GPLD1: variants seen among roughly 807,000 people sequenced by gnomAD.
The protein encoded by GPLD1 is glycosylphosphatidylinositol specific phospholipase D1, also known as phosphatidylinositol-glycan-specific phospholipase D.
A neutral mutation model predicts 112.6 loss-of-function variants in GPLD1; 84 were observed. The ratio of observed to expected loss-of-function variants is 0.75; its 90% CI spans 0.63 to 0.89. The LOEUF is 0.89. Ranked by LOEUF, GPLD1 falls within the 40% of genes least tolerant of loss-of-function variation. The probability of loss-of-function intolerance (pLI) is 0.00; values close to 1 mark genes in which losing one functional copy is unlikely to be tolerated. For synonymous variants in GPLD1, 386 were observed against 403.8 expected, an observed-to-expected ratio of 0.96 and a Z score of 0.53; for missense variants, 1,044 against 1,051.5, an observed-to-expected ratio of 0.99 and a Z score of 0.10.
chr6:24,477,504 A>G (rs181215026), intron 3 of GPLD1, among the ~76,000 whole-genome samples: 11 of 152,168 alleles, frequency 7.2e-5, no homozygotes, highest in African/African-American at 2.4e-4. Flanking sequence ...GGACCCCCTG[A>G]GGCCAGGAGG....
intron 11 of GPLD1, 82 bp from the exon 12 acceptor site, chr6:24,460,481 T>G: frequency 2.8e-6 from 4 of 1,442,168 alleles, no homozygotes; most frequent in Non-Finnish European, 3.8e-6. Flanking sequence ...TATAGTCAAG[T>G]TAATCACAGG....
chr6:24,445,788 C>T lies in GPLD1; in HGVS notation c.1864G>A (p.Gly622Arg). The T allele has an allele frequency of 6.2e-7, 1 of 1,613,768 alleles. No individual in the cohort carries two copies. The highest frequency in any genetic ancestry group is 1.1e-5 in the South Asian group (1 of 91,038). Residue 622 changes from glycine (G) to arginine (R), a missense_variant, in exon 19 of 25, where the codon GGG (glycine) becomes AGG (arginine). By Grantham distance (125) the Gly-to-Arg change is moderately radical. Transcript: ENST00000230036. Reference sequence around the variant, plus strand: ...GGTGGGAAGTAGCCATACACCCTCCCAAGGCTCTTTTTCTCATCTCGGATG... The same window carrying T: ...GGTGGGAAGTAGCCATACACCCTCCTAAGGCTCTTTTTCTCATCTCGGATG... ...LHIRDEKKSL[G>R]RVYGYFPPNG...
At position 24,456,631 on chromosome 6, in the gene GPLD1, T is replaced by C. The variant is rs1763277718; in HGVS notation, c.1015A>G (p.Met339Val). 1.3e-6 allele frequency: 2 copies of C among 1,594,674 alleles called. No individual in the cohort carries two copies. Among genetic ancestry groups the C allele is most frequent in the Non-Finnish European group, 1.7e-6 (2 of 1,167,880 alleles). ...TCCAAAGCCTTGTAGATAAAGGACA[T>C]GGAATCCTGAAATAAAAGAATCATT... ...FSVNSWTPDS[M>V]SFIYKALERN... Residue 339 changes from methionine (M) to valine (V), a missense_variant, in exon 13 of 25, where the codon ATG (methionine) becomes GTG (valine). By Grantham distance (21) the Met-to-Val change is conservative. Transcript: ENST00000230036.
chr6:24,494,748 C>T (rs547105551), intron 1 of GPLD1: 2 of 362,992 alleles, frequency 5.5e-6, no homozygotes, highest in African/African-American at 2.1e-5. Context: ...AACCCTCCCC[C>T]GGGAGAAGGT....
At chr6:24,482,259 C>A (rs1471260657) in intron 2 of GPLD1, among the ~76,000 whole-genome samples, 2 of 150,576 alleles carry the variant, frequency 1.3e-5, no homozygotes, top group African/African-American at 5.0e-5. Context: ...GGCCTCCACA[C>A]CTGGCTAATT....
At chr6:24,436,431 G>C in intron 22 of GPLD1, 145 bp downstream of exon 22, 1 of 668,736 alleles carries the variant, frequency 1.5e-6, no homozygotes, top group South Asian at 1.9e-5. Context: ...GGCAGCTGGG[G>C]CCCACAAAAC....
intron 20 of GPLD1, among the ~76,000 whole-genome samples, chr6:24,442,910 A>G (rs536586347): frequency 1.3e-5 from 2 of 152,204 alleles, no homozygotes; most frequent in South Asian, 4.1e-4. Context: ...TTATCATAGG[A>G]AAAAAAATTA....
intron 1 of GPLD1, chr6:24,494,743 T>A: frequency 1.2e-5 from 4 of 345,568 alleles, no homozygotes; most frequent in Non-Finnish European, 2.0e-5. Context: ...AACCCAACCC[T>A]CCCCCGGGAG....
chr6:24,484,101 G>A (rs1764293065), intron 2 of GPLD1, among the ~76,000 whole-genome samples: 1 of 151,940 alleles, frequency 6.6e-6, no homozygotes, highest in African/African-American at 2.4e-5. Context: ...ATTTTTAGTA[G>A]AGACGGGGTT....
At chr6:24,454,524 G>A (rs1462120852) in intron 13 of GPLD1, among the ~76,000 whole-genome samples, 4 of 152,240 alleles carry the variant, frequency 2.6e-5, no homozygotes, top group South Asian at 2.1e-4. Flanking sequence ...GAGTAGAGAG[G>A]AAATTCATGT....
At chr6:24,440,723 TAA>T (rs34313464) in intron 20 of GPLD1, among the ~76,000 whole-genome samples, 40,798 of 139,576 alleles carry the variant, frequency 0.29, 6,189 homozygotes, top group African/African-American at 0.39. Flanking sequence ...CTCCAACTAT[TAA>T]AAAAAAAAAA....
At chr6:24,491,247 A>C (rs1883415), upstream of GPLD1, among the ~76,000 whole-genome samples, 51,253 of 151,996 alleles carry the variant, frequency 0.34, 8,991 homozygotes, top group African/African-American at 0.38. Flanking sequence ...CCTTCTACAG[A>C]CTGTGCGTGA....
intron 5 of GPLD1, 89 bp downstream of exon 5, chr6:24,475,032 T>G (rs995510955): frequency 1.4e-6 from 1 of 733,918 alleles, no homozygotes; most frequent in Non-Finnish European, 2.5e-6. Flanking sequence ...AACCTAACAT[T>G]TTCCTTTCTT....
At chr6:24,472,475 A>C in intron 7 of GPLD1, 107 bp downstream of exon 7, 1 of 638,014 alleles carries the variant, frequency 1.6e-6, no homozygotes, top group Non-Finnish European at 2.8e-6. Context: ...AAAATTTACC[A>C]GTGCAGAAGA....
chr6:24,476,407 T>C (rs1764019379), intron 3 of GPLD1, 129 bp from the exon 4 acceptor site: 1 of 596,988 alleles, frequency 1.7e-6, no homozygotes, highest in Non-Finnish European at 3.0e-6. Flanking sequence ...CAGTTTCTTC[T>C]GTCGACTTTC....
rs112623917 is a variant in GPLD1, at chr6:24,452,361, T to A, written c.1335+1654A>T. ...GGTGTCAGAAGGCCCTGAAAAATGCTGTCCCTCTGGGACTGTGACCTTACA... is the reference window on the plus strand; with the variant it reads ...GGTGTCAGAAGGCCCTGAAAAATGCAGTCCCTCTGGGACTGTGACCTTACA... On this transcript the variant is annotated intron_variant, in intron 14 of 24. Coordinates refer to ENST00000230036, the MANE Select transcript of GPLD1 (RefSeq NM_001503.4). 3.0e-3 allele frequency among the ~76,000 whole-genome samples: 464 copies of A among 152,376 alleles called. 3 individuals are homozygous for A. The highest frequency in any genetic ancestry group is 0.01 in the African/African-American group (432 of 41,600).
At chr6:24,459,048 T>C (rs1763351496) in intron 12 of GPLD1, among the ~76,000 whole-genome samples, 1 of 152,134 alleles carries the variant, frequency 6.6e-6, no homozygotes, top group Admixed American at 6.6e-5. Flanking sequence ...CCTCTCATAG[T>C]AACTCATATT....
Position 24,464,760 on chromosome 6 carries a change from C to T in GPLD1, c.821+1920G>A, listed in dbSNP as rs1041040598. On this transcript the variant is annotated intron_variant, in intron 10 of 24. Transcript: ENST00000230036. ...GCCCAGAGAACCCTCTTTCCCACTG[C>T]TGGTGGTACAGCCTAAGCTTCCCGC... is the stretch of plus-strand genomic sequence containing the variant. 3.9e-5 allele frequency among the ~76,000 whole-genome samples: 6 copies of T among 152,334 alleles called. No homozygotes were observed. In the East Asian group the frequency reaches 7.7e-4, roughly 20 times the overall value.
rs1191990144 is a variant in GPLD1 at position 24,427,845 on chromosome 6, C to A, written c.*1187G>T. ...TGGGCAACAGAGCAAGACTCCGTCT[C>A]AAAAAAAAAAAAAAAAAAAAAGGAC... On this transcript the variant is annotated 3_prime_UTR_variant, in exon 25 of 25. Coordinates refer to ENST00000230036, the MANE Select transcript of GPLD1 (RefSeq NM_001503.4). 1.7e-3 allele frequency among the ~76,000 whole-genome samples: 148 copies of A among 87,516 alleles called. No homozygotes were observed. The highest frequency in any genetic ancestry group is 2.8e-3 in the African/African-American group (52 of 18,608). 57.4% of individuals were successfully genotyped at this position (87,516 alleles called of 152,430 possible). A position where few individuals can be genotyped will look rare whatever the true frequency, so the allele number is the denominator to read the frequency against.
Sources: allele counts gnomAD v4.1 joint callset (sites outside exome capture counted in the v4.1 genomes callset), GRCh38; gene constraint gnomAD v4.1.1; transcripts MANE v1.5; gene names NCBI Gene and HGNC (gene_info 2026-07-23, HGNC 2026-07-21).